Variants in FAM237A observed in about 807,000 individuals in gnomAD.
FAM237A encodes the protein protein FAM237A.
FAM237A carries 14 observed loss-of-function variants against 12.5 expected under a neutral mutation model. The ratio of observed to expected loss-of-function variants is 1.12; its 90% CI spans 0.74 to 1.75. FAM237A has a LOEUF of 1.75. FAM237A is among the 40% of genes most tolerant of loss of function. FAM237A has a pLI of 0.00. For missense variants in FAM237A, 240 were observed against 211.7 expected (o/e 1.13, Z -0.83); for synonymous variants, 85 against 77.5 (o/e 1.10, Z -0.51).
chr2:206,648,166 G>T (rs1310625396), intron 2 of FAM237A, among the ~76,000 whole-genome samples: 2 of 152,112 alleles, frequency 1.3e-5, no homozygotes, highest in African/African-American at 4.8e-5. Flanking sequence ...ATTTAGAGCT[G>T]CAGCCAATGA....
intron 1 of FAM237A, among the ~76,000 whole-genome samples, chr2:206,643,668 T>C (rs1463369712): frequency 6.6e-6 from 1 of 152,252 alleles, no homozygotes; most frequent in Non-Finnish European, 1.5e-5. Flanking sequence ...TGTCTCTTTG[T>C]TTCCACATAT....
Position 206,644,213 on chromosome 2 carries a change from T to C in FAM237A, c.-10-14T>C. Reference sequence around the variant, plus strand: ...CAAGCGGGGACTGATAAGAAATATTTCCATCCTGTGCAGTTTTAGGGCCAT... The same window carrying C: ...CAAGCGGGGACTGATAAGAAATATTCCCATCCTGTGCAGTTTTAGGGCCAT... On this transcript the variant is annotated splice_polypyrimidine_tract_variant and intron_variant, in intron 1 of 2. Transcript: ENST00000441223. The C allele has an allele frequency of 6.4e-7, 1 of 1,556,434 alleles. No homozygotes were observed. The highest frequency in any genetic ancestry group is 8.7e-7 in the Non-Finnish European group (1 of 1,153,146).
At chr2:206,648,218 A>G (rs1022691852) in intron 2 of FAM237A, among the ~76,000 whole-genome samples, 2 of 152,248 alleles carry the variant, frequency 1.3e-5, no homozygotes, top group Non-Finnish European at 1.5e-5. Flanking sequence ...GTATAGTAAC[A>G]GGAAACCTGG....
intron 2 of FAM237A, among the ~76,000 whole-genome samples, chr2:206,646,632 A>G (rs184455482): frequency 6.6e-6 from 1 of 152,324 alleles, no homozygotes; most frequent in Admixed American, 6.5e-5. Context: ...AATGTTTGAC[A>G]CAAAAAATTG....
chr2:206,648,636 T>A, intron 2 of FAM237A, 25 bp from the exon 3 acceptor site: 1 of 1,572,520 alleles, frequency 6.4e-7, no homozygotes, highest in South Asian at 1.2e-5. Context: ...GGTGATCTTA[T>A]GAAGTTCCGC....
chr2:206,646,530 T>C (rs561642475), intron 2 of FAM237A, among the ~76,000 whole-genome samples: 26 of 152,340 alleles, frequency 1.7e-4, no homozygotes, highest in African/African-American at 5.8e-4. Context: ...TACGGAGTTG[T>C]TGGTGATTCA....
At position 206,644,271 on chromosome 2, in the gene FAM237A, G is replaced by A. The variant is rs752607977; in HGVS notation, c.35G>A (p.Arg12His). 17 of 1,609,636 alleles carry A rather than the reference G, an allele frequency of 1.1e-5. No homozygotes were observed. Among genetic ancestry groups the A allele is most frequent in the East Asian group, 8.9e-5 (4 of 44,848 alleles). The change falls in exon 2 of 3, where the codon CGC becomes CAC. Residue 12 changes from arginine to histidine, a missense_variant. Transcript: ENST00000441223. ...CCTGGGAACAGAGGAGGGATCCACC[G>A]CCCCTTGAGCTTCACCTGCTCCCTG... ...ADPGNRGGIHRPLSFTCSLLI... is the reference protein window; with the variant it reads ...ADPGNRGGIHHPLSFTCSLLI...
chr2:206,644,427 G>A lies in FAM237A; in HGVS notation c.191G>A (p.Arg64His), dbSNP rs745568915. ...CTTCTCCTGGAAATGTGGAAACCTCGCGTTTCCAACACTGTTTCAGGCTTC... is the reference window on the plus strand; with the variant it reads ...CTTCTCCTGGAAATGTGGAAACCTCACGTTTCCAACACTGTTTCAGGCTTC... ...SVLLLEMWKP[R>H]VSNTVSGFWD... is the part of the protein sequence containing the mutation. Residue 64 changes from arginine (R) to histidine (H), a missense_variant, in exon 2 of 3, where the codon CGC (arginine) becomes CAC (histidine). Arg to His is a conservative substitution (Grantham distance 29). Coordinates refer to ENST00000441223, the MANE Select transcript of FAM237A (RefSeq NM_001102659.3). 23 of 1,613,720 alleles carry A rather than the reference G, an allele frequency of 1.4e-5. No homozygotes were observed. The highest frequency in any genetic ancestry group is 1.6e-4 in the Middle Eastern group (1 of 6,084).
At chr2:206,645,749 C>T (rs1180056050) in intron 2 of FAM237A, among the ~76,000 whole-genome samples, 2 of 152,070 alleles carry the variant, frequency 1.3e-5, no homozygotes, top group East Asian at 1.9e-4. Context: ...TAATTCATGG[C>T]TATTATTTAC....
chr2:206,644,743 A>T (rs1699296512), intron 2 of FAM237A, 95 bp downstream of exon 2: 1 of 1,199,898 alleles, frequency 8.3e-7, no homozygotes, highest in Non-Finnish European at 1.1e-6. Context: ...AGGGGAATCC[A>T]GTGTCATATA....
At chr2:206,646,302 TAA>T (rs199557802) in intron 2 of FAM237A, among the ~76,000 whole-genome samples, 47 of 142,688 alleles carry the variant, frequency 3.3e-4, no homozygotes, top group East Asian at 1.0e-3. Flanking sequence ...GACTCTATCT[TAA>T]AAAAAAAAAA....
In FAM237A at chr2:206,644,371, T is replaced by C. The variant is rs764086163; in HGVS notation, c.135T>C (p.Ala45=). Residue 45 remains alanine, a synonymous_variant, in exon 2 of 3, where the codon GCT becomes GCC. Transcript: ENST00000441223. The part of the protein sequence containing the change: ...SQTDLLALSQ[A]DPQCWESSSV... Reference sequence around the variant, plus strand: ...CAGACTTGCTGGCTCTTAGCCAAGCTGATCCTCAGTGCTGGGAATCCTCCT... The same window carrying C: ...CAGACTTGCTGGCTCTTAGCCAAGCCGATCCTCAGTGCTGGGAATCCTCCT... The C allele has an allele frequency of 6.2e-7, 1 of 1,613,832 alleles. No individual in the cohort carries two copies. The highest frequency in any genetic ancestry group is 2.2e-5 in the East Asian group (1 of 44,888).
In FAM237A at chr2:206,643,403, C is replaced by T. The variant is rs181824432; in HGVS notation, c.-11+821C>T. The T allele has an allele frequency of 9.9e-5, 15 of 152,196 alleles. No homozygotes were observed. The South Asian group carries it at 2.5e-3, about 25-fold the overall frequency. The allele number at this position is 152,196 out of a possible 1,614,324, so 9.4% of individuals were successfully genotyped here. A position where few individuals can be genotyped will look rare whatever the true frequency, so the allele number is the denominator to read the frequency against. On this transcript the variant is annotated intron_variant, in intron 1 of 2. Coordinates refer to ENST00000441223, the MANE Select transcript of FAM237A (RefSeq NM_001102659.3). ...TTATTATTTCAAGAGCATCGTTTAT[C>T]ATTGCACCTGTCCGAAGTGGTAACA...
rs753951451 is a variant in FAM237A at position 206,644,481 on chromosome 2, C to T, written c.245C>T (p.Ser82Phe). ...GATTTTATGATCTACCTGAAGTCAT[C>T]TGAGAACTTGAAGCATGGAGCACTG... ...FWDFMIYLKS[S>F]ENLKHGALFW... Residue 82 changes from serine (S) to phenylalanine (F), a missense_variant, in exon 2 of 3, where the codon TCT becomes TTT. By Grantham distance (155) the Ser-to-Phe change is radical. Coordinates refer to ENST00000441223, the MANE Select transcript of FAM237A (RefSeq NM_001102659.3). The T allele has an allele frequency of 9.9e-6, 16 of 1,613,882 alleles. No individual in the cohort carries two copies. Among genetic ancestry groups the T allele is most frequent in the African/African-American group, 2.7e-5 (2 of 74,932 alleles).
rs1472137626 is a variant in FAM237A, at chr2:206,648,848, T to C, written c.*54T>C. The C allele has an allele frequency of 2.3e-6, 3 of 1,296,716 alleles. No individual in the cohort carries two copies. Among genetic ancestry groups the C allele is most frequent in the Non-Finnish European group, 3.0e-6 (3 of 989,164 alleles). 80.3% of individuals were successfully genotyped at this position (1,296,716 alleles called of 1,614,324 possible). Reference sequence around the variant, plus strand: ...GAATTAAATATACATATATATAACATTTTTCTTAACTATTGATTATTTATT... The same window carrying C: ...GAATTAAATATACATATATATAACACTTTTCTTAACTATTGATTATTTATT... On this transcript the variant is annotated 3_prime_UTR_variant, in exon 3 of 3. Coordinates refer to ENST00000441223, the MANE Select transcript of FAM237A (RefSeq NM_001102659.3).
At chr2:206,645,579 A>G (rs564368363) in intron 2 of FAM237A, among the ~76,000 whole-genome samples, 29 of 152,312 alleles carry the variant, frequency 1.9e-4, no homozygotes, top group Middle Eastern at 3.4e-3. Flanking sequence ...TAGTGTTAGA[A>G]TTGTTACATA....
Position 206,644,244 on chromosome 2 carries a change from A to G in FAM237A, c.8A>G (p.Asp3Gly). The stretch of plus-strand genomic sequence containing the variant: ...CTGTGCAGTTTTAGGGCCATGGCTG[A>G]TCCTGGGAACAGAGGAGGGATCCAC... MA[D>G]PGNRGGIHRP... The change falls in exon 2 of 3, where the codon GAT (aspartate) becomes GGT (glycine). Residue 3 changes from aspartate (D) to glycine (G), a missense_variant. By Grantham distance (94) the Asp-to-Gly change is moderately conservative (BLOSUM62 -1). Transcript: ENST00000441223. 1 of 1,599,140 alleles carries G rather than the reference A, an allele frequency of 6.3e-7. No homozygotes were observed. The highest frequency in any genetic ancestry group is 8.5e-7 in the Non-Finnish European group (1 of 1,172,384).
chr2:206,647,317 A>G (rs1574581117), intron 2 of FAM237A, among the ~76,000 whole-genome samples: 1 of 152,188 alleles, frequency 6.6e-6, no homozygotes, highest in African/African-American at 2.4e-5. Flanking sequence ...TTATTTAACT[A>G]TGAGAAGAAC....
rs200894319 is a variant in FAM237A, at chr2:206,644,429, G to A, written c.193G>A (p.Val65Ile). The A allele has an allele frequency of 4.3e-4, 695 of 1,613,904 alleles. No individual in the cohort carries two copies. The highest frequency in any genetic ancestry group is 5.4e-4 in the Non-Finnish European group (643 of 1,179,852). Residue 65 changes from valine (V) to isoleucine (I), a missense_variant, in exon 2 of 3, where the codon GTT becomes ATT. Physicochemically the swap from Val to Ile is conservative, Grantham distance 29. Transcript: ENST00000441223. ...TCTCCTGGAAATGTGGAAACCTCGC[G>A]TTTCCAACACTGTTTCAGGCTTCTG... ...VLLLEMWKPR[V>I]SNTVSGFWDF...
Sources: allele counts gnomAD v4.1 joint callset (sites outside exome capture counted in the v4.1 genomes callset), GRCh38; gene constraint gnomAD v4.1.1; transcripts MANE v1.5; gene names NCBI Gene and HGNC (gene_info 2026-07-23, HGNC 2026-07-21).